TPTE: variants seen among roughly 807,000 people sequenced by gnomAD.
TPTE encodes putative tyrosine-protein phosphatase TPTE.
A neutral mutation model predicts 84.1 loss-of-function variants in TPTE; 59 were observed. The ratio of observed to expected loss-of-function variants is 0.70; its 90% CI spans 0.57 to 0.87. TPTE has a LOEUF of 0.87. Ranked by LOEUF, TPTE falls within the 40% of genes least tolerant of loss-of-function variation. TPTE has a pLI of 0.00. For synonymous variants in TPTE, 130 were observed against 223.5 expected, an observed-to-expected ratio of 0.58 and a Z score of 3.73; for missense variants, 382 against 659.6, an observed-to-expected ratio of 0.58 and a Z score of 4.61.
At chr21:10,541,838 C>G (rs2074375662) in intron 5 of TPTE, among the ~76,000 whole-genome samples, 1 of 152,308 alleles carries the variant, frequency 6.6e-6, no homozygotes, top group Non-Finnish European at 1.5e-5. Context: ...AACTGTGAAG[C>G]CTTCAGCAGA....
intron 17 of TPTE, among the ~76,000 whole-genome samples, chr21:10,589,500 A>T (rs904283777): frequency 6.6e-6 from 1 of 151,302 alleles, no homozygotes; most frequent in African/African-American, 2.5e-5. Context: ...TGGGGGCACA[A>T]GATGGGTGCA....
chr21:10,595,320 GGCGGGA>G (rs2075561090), intron 19 of TPTE, among the ~76,000 whole-genome samples: 1 of 152,312 alleles, frequency 6.6e-6, no homozygotes, highest in Non-Finnish European at 1.5e-5. Flanking sequence ...TGGGATTACA[GGCGGGA>G]GCCACCATGA....
At chr21:10,550,056 G>A (rs4126578) in intron 7 of TPTE, among the ~76,000 whole-genome samples, 2 of 152,308 alleles carry the variant, frequency 1.3e-5, no homozygotes, top group South Asian at 2.1e-4. Context: ...GAATATTATA[G>A]CCAGCACAGC....
At chr21:10,536,318 A>G (rs1254687528) in intron 3 of TPTE, among the ~76,000 whole-genome samples, 1 of 152,286 alleles carries the variant, frequency 6.6e-6, no homozygotes, top group African/African-American at 2.4e-5. Flanking sequence ...TATACACATG[A>G]ATATTTAAAT....
At chr21:10,577,831 G>C (rs1262472410) in intron 15 of TPTE, among the ~76,000 whole-genome samples, 1 of 152,312 alleles carries the variant, frequency 6.6e-6, no homozygotes, top group African/African-American at 2.4e-5. Flanking sequence ...GCCAGATTGT[G>C]TTATGAGGAC....
At chr21:10,536,019 T>C (rs2145600303) in intron 3 of TPTE, among the ~76,000 whole-genome samples, 1 of 152,428 alleles carries the variant, frequency 6.6e-6, no homozygotes, top group East Asian at 1.9e-4. Context: ...GGCTCATATC[T>C]GTAATCCCAG....
In TPTE at chr21:10,550,760, AAC is replaced by A. The variant is rs1161484883; in HGVS notation, c.174-1895_174-1894del. Among the ~76,000 whole-genome samples the A allele has an allele frequency of 7.9e-5, 12 of 152,428 alleles. No individual in the cohort carries two copies. The South Asian group carries it at 2.1e-3, about 26-fold the overall frequency. ...ATAGACCAAATGGACATAAATAACAAACATGTACAGAACATCTCACCTAACAG... is the reference window on the plus strand; with the variant it reads ...ATAGACCAAATGGACATAAATAACAAATGTACAGAACATCTCACCTAACAG... On this transcript the variant is annotated intron_variant, in intron 7 of 23. Coordinates refer to ENST00000618007, the MANE Select transcript of TPTE (RefSeq NM_199261.4).
At chr21:10,540,031 CAAACAA>C (rs1250557508) in intron 4 of TPTE, among the ~76,000 whole-genome samples, 2 of 152,392 alleles carry the variant, frequency 1.3e-5, no homozygotes, top group South Asian at 4.1e-4. Context: ...ACAACAACAA[CAAACAA>C]AAACAAAAAA....
chr21:10,605,689 T>TA lies in TPTE; in HGVS notation c.*140dup. On this transcript the variant is annotated 3_prime_UTR_variant, in exon 24 of 24. Transcript: ENST00000618007. ...TATATATGTTTATATATGTTCTTCA[T>TA]AAATCTATTACATATATATAGATAA... 7.0e-7 allele frequency: 1 copy of TA among 1,426,594 alleles called. No homozygotes were observed. The highest frequency in any genetic ancestry group is 1.4e-5 in the African/African-American group (1 of 68,968). 88.4% of individuals were successfully genotyped at this position (1,426,594 alleles called of 1,614,324 possible). A position where few individuals can be genotyped will look rare whatever the true frequency, so the allele number is the denominator to read the frequency against.
intron 17 of TPTE, among the ~76,000 whole-genome samples, chr21:10,580,457 A>G (rs2075252265): frequency 2.0e-5 from 3 of 152,310 alleles, no homozygotes; most frequent in Admixed American, 6.5e-5. Flanking sequence ...ATTTTCACCT[A>G]TCTTTTCTTC....
chr21:10,594,009 G>A (rs2075534324), intron 19 of TPTE, among the ~76,000 whole-genome samples: 1 of 152,312 alleles, frequency 6.6e-6, no homozygotes, highest in Admixed American at 6.5e-5. Context: ...AGCTAAAAGT[G>A]ATAGGTGAAT....
intron 14 of TPTE, among the ~76,000 whole-genome samples, chr21:10,570,926 G>A (rs1457038028): frequency 6.6e-6 from 1 of 152,306 alleles, no homozygotes; most frequent in African/African-American, 2.4e-5. Flanking sequence ...ACCCTCGACT[G>A]AAAGAGCCAC....
rs868825834 is a variant in TPTE, at chr21:10,522,416, G to A, written c.-211+722G>A. ...GAAAAGTTGGGTCGCCCCGCGGGGC[G>A]GGTCTCCCAATTTGCCCAGTCGGCC... On this transcript the variant is annotated intron_variant, in intron 1 of 23. Coordinates refer to ENST00000618007, the MANE Select transcript of TPTE (RefSeq NM_199261.4). Among the ~76,000 whole-genome samples, 6 of 152,418 alleles carry A rather than the reference G, an allele frequency of 3.9e-5. No individual in the cohort carries two copies. The Middle Eastern group carries it at 0.017, about 435-fold the overall frequency.
intron 20 of TPTE, among the ~76,000 whole-genome samples, chr21:10,597,368 A>G (rs1288147798): frequency 5.6e-4 from 86 of 152,278 alleles, no homozygotes; most frequent in Non-Finnish European, 1.1e-3. Flanking sequence ...TTAGCAAGAA[A>G]GGTTGCAAAG....
chr21:10,573,039 T>C (rs547868670), intron 14 of TPTE, among the ~76,000 whole-genome samples: 220 of 151,366 alleles, frequency 1.5e-3, no homozygotes, highest in Middle Eastern at 6.9e-3. Context: ...TTAAAAGATA[T>C]AGAGTTGGCT....
At chr21:10,597,325 C>A (rs1160963657) in intron 20 of TPTE, among the ~76,000 whole-genome samples, 3 of 152,284 alleles carry the variant, frequency 2.0e-5, no homozygotes, top group Non-Finnish European at 2.9e-5. Context: ...TATTAAGAAT[C>A]ATTATGATTA....
intron 19 of TPTE, among the ~76,000 whole-genome samples, chr21:10,594,292 G>A (rs1447896446): frequency 6.6e-6 from 1 of 152,310 alleles, no homozygotes; most frequent in Non-Finnish European, 1.5e-5. Context: ...GCCTGAAGTA[G>A]TCTCTTGCTT....
intron 2 of TPTE, 123 bp from the exon 3 acceptor site, chr21:10,527,232 G>T (rs2145576270): frequency 6.5e-6 from 1 of 152,704 alleles, no homozygotes. Context: ...TGTTTCTTTA[G>T]TTCTTGTCAA....
chr21:10,526,004 C>T (rs2074071776), intron 2 of TPTE, among the ~76,000 whole-genome samples: 1 of 152,170 alleles, frequency 6.6e-6, no homozygotes, highest in Non-Finnish European at 1.5e-5. Flanking sequence ...TTTAATAAGG[C>T]TGCTTATGTC....
Sources: allele counts gnomAD v4.1 joint callset (sites outside exome capture counted in the v4.1 genomes callset), GRCh38; gene constraint gnomAD v4.1.1; transcripts MANE v1.5; gene names NCBI Gene and HGNC (gene_info 2026-07-23, HGNC 2026-07-21).